The following PTER variants were observed in gnomAD, a reference collection of about 807,000 sequenced individuals.
PTER encodes the protein N-acetyltaurine hydrolase.
In PTER, 38 loss-of-function variants were observed where a neutral mutation model predicts 29.6. The ratio of observed to expected loss-of-function variants is 1.28; its 90% CI spans 0.99 to 1.68. The LOEUF (loss-of-function observed/expected upper bound fraction) is 1.68. Among genes scored for constraint, PTER ranks in the 40% most tolerant of loss-of-function variants. The probability of loss-of-function intolerance (pLI) is 0.00; values close to 1 mark genes in which losing one functional copy is unlikely to be tolerated. For synonymous variants in PTER, 172 were observed against 154.5 expected (o/e 1.11, Z -0.84); for missense variants, 482 against 427.8 (o/e 1.13, Z -1.12).
At chr10:16,477,200 G>T (rs1172518768) in intron 1 of PTER, among the ~76,000 whole-genome samples, 2 of 151,966 alleles carry the variant, frequency 1.3e-5, no homozygotes, top group Non-Finnish European at 2.9e-5. Flanking sequence ...CACCATGCTG[G>T]GCCTAGAGTT....
intron 1 of PTER, among the ~76,000 whole-genome samples, chr10:16,462,902 G>A (rs1303522397): frequency 6.6e-6 from 1 of 150,668 alleles, no homozygotes; most frequent in Non-Finnish European, 1.5e-5. Context: ...ACCTCCTTAA[G>A]ATTGATGGCT....
At chr10:16,460,788 C>G (rs372079253) in intron 1 of PTER, among the ~76,000 whole-genome samples, 2 of 152,094 alleles carry the variant, frequency 1.3e-5, no homozygotes, top group African/African-American at 4.8e-5. Flanking sequence ...GCCCAGGCAT[C>G]CTACTGCAAC....
chr10:16,453,279 A>C lies in PTER; in HGVS notation c.-49+16232A>C, dbSNP rs1239199191. Reference sequence around the variant, plus strand: ...CTAAAGAATAAAATTATTCTTGGTTAAGTTGGCACAAAATTTTCAGAGTAG... The same window carrying C: ...CTAAAGAATAAAATTATTCTTGGTTCAGTTGGCACAAAATTTTCAGAGTAG... On this transcript the variant is annotated intron_variant, in intron 1 of 4. Coordinates refer to ENST00000535784, the MANE Select transcript of PTER (RefSeq NM_001261836.2). Among the ~76,000 whole-genome samples, 3 of 152,190 alleles carry C rather than the reference A, an allele frequency of 2.0e-5. No homozygotes were observed. The East Asian group carries it at 5.8e-4, about 29-fold the overall frequency.
Position 16,440,067 on chromosome 10 carries a change from A to ATTTTTT in PTER, c.-49+3031_-49+3036dup, listed in dbSNP as rs71374689. Among the ~76,000 whole-genome samples, 15 of 135,228 alleles carry ATTTTTT rather than the reference A, an allele frequency of 1.1e-4. 1 individual carries two copies. The highest frequency in any genetic ancestry group is 1.7e-4 in the African/African-American group (6 of 35,526). 88.7% of individuals were successfully genotyped at this position (135,228 alleles called of 152,430 possible). ...CAGTGGTCCAGGTTTTCCTAACAAG[A>ATTTTTT]TTTTTTTTTTTTTTTTGTGGCAGGG... On this transcript the variant is annotated intron_variant, in intron 1 of 4. Coordinates refer to ENST00000535784, the MANE Select transcript of PTER (RefSeq NM_001261836.2).
At chr10:16,445,909 C>T (rs1034374013) in intron 1 of PTER, among the ~76,000 whole-genome samples, 3 of 152,096 alleles carry the variant, frequency 2.0e-5, no homozygotes, top group Admixed American at 2.0e-4. Flanking sequence ...AGAAGTTGTC[C>T]TGGGCCTGTG....
chr10:16,444,283 G>C (rs1387121266), intron 1 of PTER, among the ~76,000 whole-genome samples: 3 of 150,386 alleles, frequency 2.0e-5, no homozygotes, highest in African/African-American at 7.3e-5. Flanking sequence ...ATGAACCACC[G>C]CACCCGGCCT....
intron 1 of PTER, among the ~76,000 whole-genome samples, chr10:16,482,929 G>C (rs148141055): frequency 2.5e-3 from 373 of 152,068 alleles, no homozygotes; most frequent in African/African-American, 8.7e-3. Context: ...TTACAGGCAC[G>C]CTCCACCACA....
At chr10:16,466,232 A>G (rs1345079411) in intron 1 of PTER, among the ~76,000 whole-genome samples, 1 of 152,040 alleles carries the variant, frequency 6.6e-6, no homozygotes, top group African/African-American at 2.4e-5. Context: ...GGCAAGGGCT[A>G]GAGTCAGAAT....
intron 1 of PTER, among the ~76,000 whole-genome samples, chr10:16,439,650 G>A (rs994349658): frequency 6.6e-6 from 1 of 152,172 alleles, no homozygotes; most frequent in African/African-American, 2.4e-5. Context: ...TGTTCATACA[G>A]GACATACATA....
chr10:16,479,122 A>C (rs1414295479), intron 1 of PTER, among the ~76,000 whole-genome samples: 1 of 152,094 alleles, frequency 6.6e-6, no homozygotes, highest in Non-Finnish European at 1.5e-5. Context: ...ATGAAACCCA[A>C]CATTTTCCTC....
intron 1 of PTER, among the ~76,000 whole-genome samples, chr10:16,474,031 C>A (rs926795287): frequency 6.6e-6 from 1 of 152,140 alleles, no homozygotes; most frequent in Non-Finnish European, 1.5e-5. Flanking sequence ...GCCTGGCCAA[C>A]ACAGTGAAAC....
chr10:16,486,530 G>A lies in PTER; in HGVS notation c.611G>A (p.Arg204Gln), dbSNP rs767621618. 14 of 1,613,836 alleles carry A rather than the reference G, an allele frequency of 8.7e-6. No individual in the cohort carries two copies. The highest frequency in any genetic ancestry group is 1.3e-5 in the African/African-American group (1 of 74,896). Residue 204 changes from arginine (R) to glutamine (Q), a missense_variant, in exon 3 of 5, where the codon CGG becomes CAG. Transcript: ENST00000535784. ...LGCPVIIHPG[R>Q]SSRAPFQIIR... ...TGTCCTGTTATTATCCATCCTGGACGGAGCTCCAGGGCACCATTTCAGATT... is the reference window on the plus strand; with the variant it reads ...TGTCCTGTTATTATCCATCCTGGACAGAGCTCCAGGGCACCATTTCAGATT...
At chr10:16,508,539 G>C (rs79001164) in intron 4 of PTER, among the ~76,000 whole-genome samples, 9 of 152,102 alleles carry the variant, frequency 5.9e-5, no homozygotes, top group African/African-American at 2.2e-4. Context: ...AGGGGCATCT[G>C]TGAAGGAGAT....
intron 1 of PTER, among the ~76,000 whole-genome samples, chr10:16,470,967 T>C (rs896244715): frequency 3.3e-5 from 5 of 152,200 alleles, no homozygotes; most frequent in Non-Finnish European, 5.9e-5. Flanking sequence ...TTTCCGCTGC[T>C]AACCCCTCAT....
chr10:16,494,093 C>G (rs1380239432), intron 3 of PTER, among the ~76,000 whole-genome samples: 2 of 152,132 alleles, frequency 1.3e-5, no homozygotes, highest in African/African-American at 4.8e-5. Flanking sequence ...CTTCACTCTC[C>G]TCAATACCGT....
chr10:16,490,170 G>A (rs1835845720), intron 3 of PTER, among the ~76,000 whole-genome samples: 1 of 152,090 alleles, frequency 6.6e-6, no homozygotes, highest in Non-Finnish European at 1.5e-5. Flanking sequence ...CTATCACAAA[G>A]CCTATTTTAT....
intron 1 of PTER, among the ~76,000 whole-genome samples, chr10:16,449,858 T>G (rs1257342254): frequency 6.6e-6 from 1 of 152,206 alleles, no homozygotes; most frequent in Non-Finnish European, 1.5e-5. Flanking sequence ...TCCCTTCCTC[T>G]ACCTTAAACC....
chr10:16,449,729 C>T (rs943536364), intron 1 of PTER, among the ~76,000 whole-genome samples: 11 of 152,170 alleles, frequency 7.2e-5, no homozygotes, highest in African/African-American at 2.7e-4. Context: ...GTGCTCCTCT[C>T]ACAAATCTAT....
chr10:16,490,208 G>A (rs1333479577), intron 3 of PTER, among the ~76,000 whole-genome samples: 1 of 152,128 alleles, frequency 6.6e-6, no homozygotes, highest in Non-Finnish European at 1.5e-5. Flanking sequence ...CTCATATAAT[G>A]TATTGAATAC....
Sources: allele counts gnomAD v4.1 joint callset (sites outside exome capture counted in the v4.1 genomes callset), GRCh38; gene constraint gnomAD v4.1.1; transcripts MANE v1.5; gene names NCBI Gene and HGNC (gene_info 2026-07-23, HGNC 2026-07-21).